The following SGTA variants were observed in gnomAD, a reference collection of about 807,000 sequenced individuals.
The protein encoded by SGTA is small glutamine rich tetratricopeptide repeat co-chaperone alpha, also known as small glutamine-rich tetratricopeptide repeat-containing protein alpha.
Under a neutral mutation model 44.3 loss-of-function variants are expected in SGTA, and 22 were observed. That is an observed-to-expected ratio of 0.50 (90% CI 0.36 to 0.71). The LOEUF (loss-of-function observed/expected upper bound fraction) is 0.71. Ranked by LOEUF, SGTA falls within the 30% of genes least tolerant of loss-of-function variation. The pLI is 0.00. For synonymous variants in SGTA, 174 were observed against 177.6 expected (o/e 0.98, Z 0.16); for missense variants, 341 against 435.9 (o/e 0.78, Z 1.94).
chr19:2,779,285 T>G (rs1194092296), intron 1 of SGTA, among the ~76,000 whole-genome samples: 1 of 152,092 alleles, frequency 6.6e-6, no homozygotes, highest in African/African-American at 2.4e-5. Flanking sequence ...ACTGCTCAAC[T>G]AAGGGAAGCA....
At chr19:2,762,783 G>T in intron 6 of SGTA, 139 bp from the exon 7 acceptor site, 1 of 989,788 alleles carries the variant, frequency 1.0e-6, no homozygotes, top group Non-Finnish European at 1.5e-6. Flanking sequence ...TCAGCTCAGT[G>T]GAGACAAACC....
chr19:2,767,068 G>T lies in SGTA; in HGVS notation c.292+68C>A. On this transcript the variant is annotated intron_variant, in intron 4 of 11. Transcript: ENST00000221566. The surrounding 1 kb of genome is among the most constrained non-coding windows in gnomAD (Gnocchi z 7.3). The stretch of plus-strand genomic sequence containing the variant: ...GGGCCCCAGGGACCAGCTGGCCTCT[G>T]CGAGGGTCCCACAGCCCCGGAGTCC... 1 of 1,207,884 alleles carries T rather than the reference G, an allele frequency of 8.3e-7. No individual in the cohort carries two copies. The highest frequency in any genetic ancestry group is 1.2e-6 in the Non-Finnish European group (1 of 831,298). The allele number at this position is 1,207,884 out of a possible 1,614,324, so 74.8% of individuals were successfully genotyped here. A position where few individuals can be genotyped will look rare whatever the true frequency, so the allele number is the denominator to read the frequency against.
In SGTA at chr19:2,779,593, T is replaced by A. The variant is rs974442823; in HGVS notation, c.-24+3640A>T. On this transcript the variant is annotated intron_variant, in intron 1 of 11. Coordinates refer to ENST00000221566, the MANE Select transcript of SGTA (RefSeq NM_003021.4). ...CTCCCAACAGCGAGGGCTTTATGGA[T>A]GCTCAGGAGCCATGGCCGAGGCCTG... 3.3e-5 allele frequency among the ~76,000 whole-genome samples: 5 copies of A among 152,200 alleles called. No individual in the cohort carries two copies. In the East Asian group the frequency reaches 9.6e-4, roughly 29 times the overall value.
chr19:2,781,642 G>C (rs988698168), intron 1 of SGTA, among the ~76,000 whole-genome samples: 1 of 152,034 alleles, frequency 6.6e-6, no homozygotes, highest in African/African-American at 2.4e-5. Context: ...TGGAAAGATG[G>C]GGACCACCCG....
intron 9 of SGTA, among the ~76,000 whole-genome samples, chr19:2,758,152 C>T (rs146766704): frequency 5.3e-5 from 8 of 152,308 alleles, no homozygotes; most frequent in Non-Finnish European, 1.0e-4. Context: ...GCTCAGCACC[C>T]TGCAGTGCCC....
chr19:2,776,331 C>T (rs1396411469), intron 1 of SGTA, among the ~76,000 whole-genome samples: 3 of 152,238 alleles, frequency 2.0e-5, no homozygotes. Context: ...TGGATCAACA[C>T]AATGTGGCCT....
At chr19:2,782,523 G>A (rs1028893251) in intron 1 of SGTA, 1 of 152,150 alleles carries the variant, frequency 6.6e-6, no homozygotes, top group African/African-American at 2.4e-5. Flanking sequence ...TTTACAACTC[G>A]TTTGCGAAAG....
chr19:2,767,498 C>T lies in SGTA; in HGVS notation c.207+82G>A, dbSNP rs565513793. ...GCAGAGTGCTGGGGGACGATGAGAG[C>T]GGGGCTCCTGGGGTCCCCAGGGCTG... On this transcript the variant is annotated intron_variant, in intron 3 of 11. Transcript: ENST00000221566. This position sits in a 1 kb window ranked among gnomAD's most constrained non-coding sequence, Gnocchi z 7.3. The T allele has an allele frequency of 9.7e-5, 112 of 1,152,592 alleles. No homozygotes were observed. The highest frequency in any genetic ancestry group is 2.9e-4 in the African/African-American group (19 of 65,920). 71.4% of individuals were successfully genotyped at this position (1,152,592 alleles called of 1,614,324 possible).
chr19:2,775,662 G>A (rs371492277), intron 1 of SGTA, among the ~76,000 whole-genome samples: 6 of 152,362 alleles, frequency 3.9e-5, no homozygotes, highest in South Asian at 2.1e-4. Flanking sequence ...AAGGAGACGC[G>A]TGGGTGCCGG....
At chr19:2,759,495 C>T (rs142712624) in intron 8 of SGTA, 7,265 of 579,692 alleles carry the variant, frequency 0.013, 100 homozygotes, top group South Asian at 0.04. Flanking sequence ...CACATTGTGA[C>T]TTAAATCCTG....
Position 2,761,713 on chromosome 19 carries a change from G to A in SGTA, c.637-191C>T, listed in dbSNP as rs1279548384. ...CGGGGACGGCACAGTCTGTCATCCC[G>A]TGTTTATTCCCCGCACAGCGCGACC... On this transcript the variant is annotated intron_variant, in intron 7 of 11. Transcript: ENST00000221566. This position sits in a 1 kb window ranked among gnomAD's most constrained non-coding sequence, Gnocchi z 5.7. Among the ~76,000 whole-genome samples the A allele has an allele frequency of 2.0e-5, 3 of 151,850 alleles. No individual in the cohort carries two copies. The highest frequency in any genetic ancestry group is 2.9e-5 in the Non-Finnish European group (2 of 67,978).
intron 1 of SGTA, among the ~76,000 whole-genome samples, chr19:2,782,090 T>C (rs1316715016): frequency 5.9e-5 from 9 of 151,898 alleles, no homozygotes; most frequent in Admixed American, 5.9e-4. Context: ...CATCAGCCCG[T>C]ATGGTAGGGT....
intron 1 of SGTA, among the ~76,000 whole-genome samples, chr19:2,778,504 C>CA (rs1344704800): frequency 6.6e-6 from 1 of 151,694 alleles, no homozygotes; most frequent in Admixed American, 6.6e-5. Context: ...ACCGCCCCCC[C>CA]CGGCCCCCGC....
rs371978082 is a variant in SGTA, at chr19:2,761,520, C to T, written c.639G>A (p.Thr213=). The stretch of plus-strand genomic sequence containing the variant: ...CGATGTCGAAGCTGCCCACGCCTCC[C>T]GTCTGAGGATGAGAACAGCCCTGGT... ...ELKLREAPSP[T]GGVGSFDIAG... The change falls in exon 8 of 12, where the codon ACG becomes ACA. Residue 213 remains threonine, a splice_region_variant and synonymous_variant. Transcript: ENST00000221566. This position sits in a 1 kb window ranked among gnomAD's most constrained non-coding sequence, Gnocchi z 5.7. 23 of 1,551,424 alleles carry T rather than the reference C, an allele frequency of 1.5e-5. No homozygotes were observed. In the East Asian group the frequency reaches 3.4e-4, roughly 23 times the overall value.
Position 2,767,702 on chromosome 19 carries a change from A to T in SGTA, c.101-16T>A. On this transcript the variant is annotated splice_polypyrimidine_tract_variant and intron_variant, in intron 2 of 11. Coordinates refer to ENST00000221566, the MANE Select transcript of SGTA (RefSeq NM_003021.4). This position sits in a 1 kb window ranked among gnomAD's most constrained non-coding sequence, Gnocchi z 7.3. The stretch of plus-strand genomic sequence containing the variant: ...TGGATGGCGACTGAAGCGGGGACAG[A>T]GGCGGTCCCATTCATTGCACGCAGC... 6.3e-7 allele frequency: 1 copy of T among 1,595,350 alleles called. No homozygotes were observed. Among genetic ancestry groups the T allele is most frequent in the East Asian group, 2.2e-5 (1 of 44,796 alleles).
intron 1 of SGTA, among the ~76,000 whole-genome samples, chr19:2,778,720 A>G (rs1285699971): frequency 6.6e-6 from 1 of 152,204 alleles, no homozygotes; most frequent in African/African-American, 2.4e-5. Context: ...CAAACTATGG[A>G]GGATTGCTTG....
In SGTA at chr19:2,760,433, G is replaced by A. The variant is rs140395369; in HGVS notation, c.699+1027C>T. On this transcript the variant is annotated intron_variant, in intron 8 of 11. Transcript: ENST00000221566. The stretch of plus-strand genomic sequence containing the variant: ...CTCGGGAGGCTGACGCAGGAGAATC[G>A]CTTGAACCTGGGAGGCGGAGGTTGC... Among the ~76,000 whole-genome samples the A allele has an allele frequency of 4.1e-3, 597 of 144,942 alleles. 5 individuals are homozygous for A. The highest frequency in any genetic ancestry group is 0.015 in the African/African-American group (566 of 37,706).
chr19:2,762,537 G>A lies in SGTA; in HGVS notation c.605C>T (p.Ala202Val), dbSNP rs1915025826. 1.9e-6 allele frequency: 3 copies of A among 1,613,928 alleles called. No homozygotes were observed. The highest frequency in any genetic ancestry group is 1.3e-5 in the African/African-American group (1 of 74,932). ...NETYKSNLKI[A>V]ELKLREAPSP... The stretch of plus-strand genomic sequence containing the variant: ...GGGGGCCTCCCGCAGCTTCAGCTCC[G>A]CTATCTTGAGGTTGGACTTGTATGT... Residue 202 changes from alanine (A) to valine (V), a missense_variant, in exon 7 of 12, where the codon GCG (alanine) becomes GTG (valine). Ala to Val is a moderately conservative substitution (Grantham distance 64). Coordinates refer to ENST00000221566, the MANE Select transcript of SGTA (RefSeq NM_003021.4).
In SGTA at chr19:2,756,947, G is replaced by A. The variant is rs150847994; in HGVS notation, c.*6+390C>T. The stretch of plus-strand genomic sequence containing the variant: ...GTCCTTTCCACCACTCGATGACCTC[G>A]CCCCCACCCCCGAGGTGGCAGCCCC... On this transcript the variant is annotated intron_variant, in intron 11 of 11. Coordinates refer to ENST00000221566, the MANE Select transcript of SGTA (RefSeq NM_003021.4). Among the ~76,000 whole-genome samples, 490 of 152,206 alleles carry A rather than the reference G, an allele frequency of 3.2e-3. 4 individuals carry two copies. The highest frequency in any genetic ancestry group is 0.011 in the African/African-American group (468 of 41,516).
Sources: allele counts gnomAD v4.1 joint callset (sites outside exome capture counted in the v4.1 genomes callset), GRCh38; gene constraint gnomAD v4.1.1; non-coding constraint Gnocchi (gnomAD v3.1); transcripts MANE v1.5; gene names NCBI Gene and HGNC (gene_info 2026-07-23, HGNC 2026-07-21).